The following NUMA1 variants were observed in gnomAD, a reference collection of about 807,000 sequenced individuals.
NUMA1 encodes nuclear mitotic apparatus protein 1, also known as SP-H antigen.
Under a neutral mutation model 237.1 loss-of-function variants are expected in NUMA1, and 62 were observed. That is an observed-to-expected ratio of 0.26 (90% CI 0.21 to 0.32). The LOEUF (loss-of-function observed/expected upper bound fraction) is 0.32. Ranked by LOEUF, NUMA1 falls within the 10% of genes least tolerant of loss-of-function variation. The pLI is 1.00. For synonymous variants in NUMA1, 1,028 were observed against 1,066.1 expected, an observed-to-expected ratio of 0.96 and a Z score of 0.70; for missense variants, 2,533 against 2,666.5, an observed-to-expected ratio of 0.95 and a Z score of 1.10.
intron 26 of NUMA1, 44 bp from the exon 27 acceptor site, chr11:72,003,582 C>G (rs1483511694): frequency 6.2e-7 from 1 of 1,613,406 alleles, no homozygotes. Context: ...ACTTGCGATA[C>G]TAGCCTGCAC....
intron 22 of NUMA1, chr11:72,005,628 G>T: frequency 1.9e-6 from 1 of 522,836 alleles, no homozygotes; most frequent in Non-Finnish European, 3.3e-6. Flanking sequence ...ACCTGCCAAG[G>T]CTTGGTGGCC....
chr11:72,004,251 T>C lies in NUMA1; in HGVS notation c.6097A>G (p.Lys2033Glu). 6.2e-7 allele frequency: 1 copy of C among 1,611,814 alleles called. No homozygotes were observed. The highest frequency in any genetic ancestry group is 1.1e-5 in the South Asian group (1 of 90,884). Reference protein sequence around the residue: ...RKQSTTEAQKKAAPASTKQAD... With the variant: ...RKQSTTEAQKEAAPASTKQAD... ...TGTTTAGTAGAAGCTGGAGCTGCTTTCTTCTGGGCCTCAGTAGTGCTCTGT... is the reference window on the plus strand; with the variant it reads ...TGTTTAGTAGAAGCTGGAGCTGCTTCCTTCTGGGCCTCAGTAGTGCTCTGT... The change falls in exon 25 of 27, where the codon AAA becomes GAA. Residue 2033 changes from lysine (K) to glutamate (E), a missense_variant. This residue lies in a region of NUMA1 where 795 missense variants were observed against 750.8 expected (regional missense o/e 1.06). Transcript: ENST00000393695.
At chr11:72,055,795 C>CAAA (rs1942601012) in intron 2 of NUMA1, among the ~76,000 whole-genome samples, 1 of 149,668 alleles carries the variant, frequency 6.7e-6, no homozygotes. Context: ...GCCTGGGTGA[C>CAAA]AAAGCAAGAC....
Position 72,014,333 on chromosome 11 carries a change from G to C in NUMA1, c.3170C>G (p.Thr1057Arg). 1 of 1,613,750 alleles carries C rather than the reference G, an allele frequency of 6.2e-7. No individual in the cohort carries two copies. The highest frequency in any genetic ancestry group is 8.5e-7 in the Non-Finnish European group (1 of 1,180,032). ...TLQEALAHAL[T>R]EKEGKDQELA... is the part of the protein sequence containing the mutation. Reference sequence around the variant, plus strand: ...CTCCTGGTCCTTGCCTTCCTTTTCCGTCAGGGCATGAGCCAGTGCCTCTTG... The same window carrying C: ...CTCCTGGTCCTTGCCTTCCTTTTCCCTCAGGGCATGAGCCAGTGCCTCTTG... Residue 1057 changes from threonine to arginine, a missense_variant, in exon 15 of 27, where the codon ACG becomes AGG. Physicochemically the swap from Thr to Arg is moderately conservative, Grantham distance 71. Around this residue, in one of 3 missense-constraint regions of NUMA1, gnomAD observed 1,414 missense variants for 1,508.1 expected, o/e 0.94. Coordinates refer to ENST00000393695, the MANE Select transcript of NUMA1 (RefSeq NM_006185.4). The surrounding 1 kb of genome is among the most constrained non-coding windows in gnomAD (Gnocchi z 4.6).
intron 2 of NUMA1, chr11:72,050,754 C>T (rs1269287673): frequency 6.6e-6 from 1 of 152,232 alleles, no homozygotes; most frequent in Non-Finnish European, 1.5e-5. Flanking sequence ...TCAGCTACAT[C>T]CTCTATCTTT....
chr11:72,045,651 G>A (rs1941953395), intron 2 of NUMA1, among the ~76,000 whole-genome samples: 1 of 151,944 alleles, frequency 6.6e-6, no homozygotes, highest in Admixed American at 6.6e-5. Flanking sequence ...ACTAATTTTT[G>A]TATTTTTTTG....
At chr11:72,049,804 C>T (rs1942240904) in intron 2 of NUMA1, among the ~76,000 whole-genome samples, 1 of 150,390 alleles carries the variant, frequency 6.6e-6, no homozygotes, top group African/African-American at 2.4e-5. Context: ...GCCTGGGCAA[C>T]AGAGTGAGAC....
rs776648169 is a variant in NUMA1, at chr11:72,007,233, C to T, written c.5419G>A (p.Ala1807Thr). 52 of 1,612,718 alleles carry T rather than the reference C, an allele frequency of 3.2e-5. No homozygotes were observed. Among genetic ancestry groups the T allele is most frequent in the Middle Eastern group, 1.7e-4 (1 of 6,054 alleles). Residue 1807 changes from alanine (A) to threonine (T), a missense_variant, in exon 21 of 27, where the codon GCT (alanine) becomes ACT (threonine). Ala to Thr is a moderately conservative substitution (Grantham distance 58). Coordinates refer to ENST00000393695, the MANE Select transcript of NUMA1 (RefSeq NM_006185.4). ...ATGATCTGCGTGGTGCGCCGACGAG[C>T]GGAGCGGGTCTTACGACCCGAGTCC... ...FLDSGRKTRSARRRTTQIINI... is the reference protein window; with the variant it reads ...FLDSGRKTRSTRRRTTQIINI...
intron 2 of NUMA1, among the ~76,000 whole-genome samples, chr11:72,038,224 T>C (rs1465042988): frequency 6.6e-6 from 1 of 152,136 alleles, no homozygotes; most frequent in African/African-American, 2.4e-5. Context: ...GCTGTGCTAC[T>C]AAAAATGTCC....
chr11:72,060,968 G>C (rs762300270), intron 2 of NUMA1, among the ~76,000 whole-genome samples: 12 of 152,224 alleles, frequency 7.9e-5, no homozygotes, highest in Non-Finnish European at 1.5e-4. Context: ...TACTCAGGAG[G>C]CTGAGGCAGG....
Position 72,015,688 on chromosome 11 carries a change from C to T in NUMA1, c.1815G>A (p.Gln605=). ...SLRERDAALK[Q]LEALEKEKAA... ...CCTTCTCCTTCTCCAGTGCCTCCAG[C>T]TGCTTGAGAGCCGCATCCCGCTCCC... The change falls in exon 15 of 27, where the codon CAG becomes CAA. Residue 605 remains glutamine, a synonymous_variant. Coordinates refer to ENST00000393695, the MANE Select transcript of NUMA1 (RefSeq NM_006185.4). The surrounding 1 kb of genome is among the most constrained non-coding windows in gnomAD (Gnocchi z 4.0). The T allele has an allele frequency of 6.2e-7, 1 of 1,614,048 alleles. No homozygotes were observed. The highest frequency in any genetic ancestry group is 1.1e-5 in the South Asian group (1 of 91,082).
chr11:72,014,793 T>C lies in NUMA1; in HGVS notation c.2710A>G (p.Thr904Ala). Residue 904 changes from threonine (T) to alanine (A), a missense_variant, in exon 15 of 27, where the codon ACT becomes GCT. By Grantham distance (58) the Thr-to-Ala change is moderately conservative. Transcript: ENST00000393695. This position sits in a 1 kb window ranked among gnomAD's most constrained non-coding sequence, Gnocchi z 4.6. ...RAQKLADDLS[T>A]LQEKMAATSK... ...GTGGCAGCCATCTTTTCCTGCAGAGTGGAGAGGTCATCTGCAAGCTTCTGG... is the reference window on the plus strand; with the variant it reads ...GTGGCAGCCATCTTTTCCTGCAGAGCGGAGAGGTCATCTGCAAGCTTCTGG... 1.2e-6 allele frequency: 2 copies of C among 1,614,082 alleles called. No homozygotes were observed. Among genetic ancestry groups the C allele is most frequent in the Non-Finnish European group, 8.5e-7 (1 of 1,180,008 alleles).
intron 17 of NUMA1, among the ~76,000 whole-genome samples, chr11:72,009,991 C>A (rs370482467): frequency 3.3e-5 from 5 of 152,236 alleles, no homozygotes; most frequent in Non-Finnish European, 7.3e-5. Context: ...GGGCCTGATT[C>A]TCTGTCCATC....
At chr11:72,004,548 G>A (rs1456253110) in intron 24 of NUMA1, 92 bp downstream of exon 24, 22 of 1,365,964 alleles carry the variant, frequency 1.6e-5, no homozygotes, top group Non-Finnish European at 1.8e-5. Context: ...GGGAAGTGAG[G>A]GAAGGAGAGA....
chr11:72,046,380 A>G (rs1453896464), intron 2 of NUMA1, among the ~76,000 whole-genome samples: 1 of 152,156 alleles, frequency 6.6e-6, no homozygotes, highest in Non-Finnish European at 1.5e-5. Context: ...CCCCATCTCT[A>G]CTAAAAATAC....
rs2134888669 is a variant in NUMA1, at chr11:72,012,772, C to CCAGTGAAT, written c.4608+115_4608+122dup. On this transcript the variant is annotated intron_variant, in intron 15 of 26. Transcript: ENST00000393695. ...CCAGCCACCTCTCCTTTTCTGCCAC[C>CCAGTGAAT]CAGTGAATGAGGAAAGGCAAGACAC... 3 of 1,368,906 alleles carry CCAGTGAAT rather than the reference C, an allele frequency of 2.2e-6. No individual in the cohort carries two copies. The East Asian group carries it at 7.0e-5, about 32-fold the overall frequency. 84.8% of individuals were successfully genotyped at this position (1,368,906 alleles called of 1,614,324 possible).
At position 72,006,211 on chromosome 11, in the gene NUMA1, C is replaced by T. The variant is rs11538642; in HGVS notation, c.5516G>A (p.Arg1839Gln). 17 of 1,614,030 alleles carry T rather than the reference C, an allele frequency of 1.1e-5. No individual in the cohort carries two copies. In the African/African-American group the frequency reaches 1.2e-4, roughly 11 times the overall value. ...GCTAGCCTGGGAAGCAGGAGCAGAC[C>T]GCGTGCTGTAGAACGATGAGTTGGC... ...DSANSSFYST[R>Q]SAPASQASLR... The change falls in exon 22 of 27, where the codon CGG becomes CAG. Residue 1839 changes from arginine to glutamine, a missense_variant. Physicochemically the swap from Arg to Gln is conservative, Grantham distance 43. Coordinates refer to ENST00000393695, the MANE Select transcript of NUMA1 (RefSeq NM_006185.4).
chr11:72,080,538 C>T lies in NUMA1; in HGVS notation c.-183G>A, dbSNP rs1041805136. 2 of 151,946 alleles carry T rather than the reference C, an allele frequency of 1.3e-5. No homozygotes were observed. The highest frequency in any genetic ancestry group is 2.9e-5 in the Non-Finnish European group (2 of 67,970). The allele number at this position is 151,946 out of a possible 1,614,324, so 9.4% of individuals were successfully genotyped here. ...GGCTCGCGCCAGCGCTGTGAGCGCACAATTAGTTTAAACTATGGCCCCGCC... is the reference window on the plus strand; with the variant it reads ...GGCTCGCGCCAGCGCTGTGAGCGCATAATTAGTTTAAACTATGGCCCCGCC... On this transcript the variant is annotated 5_prime_UTR_variant, in exon 1 of 27. In the 5' UTR this introduces an upstream ATG that the reference lacks. Transcript: ENST00000393695.
chr11:72,021,336 C>T (rs770338249), intron 7 of NUMA1, 45 bp from the exon 8 acceptor site: 2 of 1,562,160 alleles, frequency 1.3e-6, no homozygotes, highest in Non-Finnish European at 1.8e-6. Context: ...TGTTAGGCCT[C>T]TGAAGGGATG....
Sources: gnomAD v4.1 joint callset for allele counts (sites outside exome capture counted in the v4.1 genomes callset) on GRCh38, gnomAD v4.1.1 for gene constraint, gnomAD v4.1.1 regional missense constraint, Gnocchi (gnomAD v3.1) non-coding constraint, MANE v1.5 for transcripts, NCBI Gene and HGNC (gene_info 2026-07-23, HGNC 2026-07-21) for gene names.